The following PRKG1 variants were observed in gnomAD, a reference collection of about 807,000 sequenced individuals.
The protein encoded by PRKG1 is cGMP-dependent protein kinase 1.
PRKG1 carries 35 observed loss-of-function variants against 88.1 expected under a neutral mutation model. The observed-to-expected ratio is 0.40, with a 90% CI of 0.30 to 0.53. PRKG1 has a LOEUF of 0.53. Among genes scored for constraint, PRKG1 ranks in the 20% least tolerant of loss-of-function variants. The pLI is 0.59. For missense variants in PRKG1, 540 were observed against 839.8 expected (o/e 0.64, Z 4.41); for synonymous variants, 303 against 292.5 (o/e 1.04, Z -0.37).
Position 52,040,875 on chromosome 10 carries a change from C to T in PRKG1, c.763-13609C>T, listed in dbSNP as rs543813136. On this transcript the variant is annotated intron_variant, in intron 5 of 17. Coordinates refer to ENST00000373980, the MANE Select transcript of PRKG1 (RefSeq NM_006258.4). ...TTTTGAGATGGGAGTCTTGCTTTGT[C>T]ACCCAGGCTGGAGTGTTGTGGCATG... Among the ~76,000 whole-genome samples the T allele has an allele frequency of 4.1e-5, 4 of 96,784 alleles. No homozygotes were observed. The East Asian group carries it at 1.3e-3, about 31-fold the overall frequency. 63.5% of individuals were successfully genotyped at this position (96,784 alleles called of 152,430 possible). A position where few individuals can be genotyped will look rare whatever the true frequency, so the allele number is the denominator to read the frequency against.
intron 3 of PRKG1, among the ~76,000 whole-genome samples, chr10:51,503,783 G>A (rs1310030522): frequency 6.6e-6 from 1 of 152,074 alleles, no homozygotes; most frequent in Non-Finnish European, 1.5e-5. Context: ...AGTGTTCATG[G>A]TAAAATAGTA....
intron 17 of PRKG1, among the ~76,000 whole-genome samples, chr10:52,291,812 C>T (rs1196444360): frequency 7.2e-5 from 11 of 151,760 alleles, no homozygotes; most frequent in African/African-American, 2.4e-4. Flanking sequence ...GTTCTAGATC[C>T]CTGAGGAATC....
rs540123907 is a variant in PRKG1 at position 51,554,001 on chromosome 10, G to A, written c.592+86165G>A. 3.0e-3 allele frequency among the ~76,000 whole-genome samples: 439 copies of A among 147,438 alleles called. 39 individuals are homozygous for A. Among genetic ancestry groups the A allele is most frequent in the Non-Finnish European group, 5.0e-3 (337 of 66,854 alleles). The stretch of plus-strand genomic sequence containing the variant: ...CATATTATATATGCGTATGTGATAC[G>A]TGCATATTATATGTGCGTATGTGAT... On this transcript the variant is annotated intron_variant, in intron 3 of 17. Transcript: ENST00000373980.
At chr10:52,192,467 A>G (rs184329112) in intron 9 of PRKG1, among the ~76,000 whole-genome samples, 2 of 152,288 alleles carry the variant, frequency 1.3e-5, no homozygotes, top group Non-Finnish European at 2.9e-5. Flanking sequence ...CTAATCTTGC[A>G]GTATTCCCAT....
At chr10:51,509,328 G>T (rs1841323231) in intron 3 of PRKG1, among the ~76,000 whole-genome samples, 1 of 152,152 alleles carries the variant, frequency 6.6e-6, no homozygotes, top group Non-Finnish European at 1.5e-5. Context: ...ATTTTTGAAT[G>T]TGTTACATGG....
At chr10:51,113,137 G>C (rs923002789) in intron 1 of PRKG1, among the ~76,000 whole-genome samples, 1 of 152,108 alleles carries the variant, frequency 6.6e-6, no homozygotes, top group Non-Finnish European at 1.5e-5. Context: ...GATATGCATC[G>C]CAATGTGCTG....
chr10:51,409,278 C>T (rs1040074741), intron 2 of PRKG1, among the ~76,000 whole-genome samples: 6 of 152,142 alleles, frequency 3.9e-5, no homozygotes, highest in African/African-American at 7.2e-5. Context: ...ATGAGGCCAT[C>T]GATGCAGGCT....
chr10:52,223,514 A>G (rs866383022), intron 9 of PRKG1, among the ~76,000 whole-genome samples: 2 of 152,070 alleles, frequency 1.3e-5, no homozygotes, highest in Non-Finnish European at 2.9e-5. Context: ...CATGCTTCAC[A>G]ACTCAATCCT....
At chr10:51,556,840 T>C (rs1423448940) in intron 3 of PRKG1, among the ~76,000 whole-genome samples, 1 of 152,098 alleles carries the variant, frequency 6.6e-6, no homozygotes, top group Non-Finnish European at 1.5e-5. Flanking sequence ...TATACCCATG[T>C]AACAAACCTG....
intron 5 of PRKG1, among the ~76,000 whole-genome samples, chr10:52,046,595 A>C (rs1022829785): frequency 6.6e-6 from 1 of 152,156 alleles, no homozygotes; most frequent in Non-Finnish European, 1.5e-5. Flanking sequence ...AGGTATGGTT[A>C]TATTTTGCAG....
intron 5 of PRKG1, among the ~76,000 whole-genome samples, chr10:52,047,853 CTCT>C (rs1845900131): frequency 6.6e-6 from 1 of 152,106 alleles, no homozygotes; most frequent in Non-Finnish European, 1.5e-5. Context: ...TAATATAGGA[CTCT>C]TCTTCTGAGA....
intron 2 of PRKG1, among the ~76,000 whole-genome samples, chr10:51,416,681 G>T (rs1588936755): frequency 6.6e-6 from 1 of 152,248 alleles, no homozygotes; most frequent in East Asian, 1.9e-4. Context: ...CTGTGATGGT[G>T]TAAGAACGTG....
At chr10:52,247,909 T>G (rs1841066125) in intron 9 of PRKG1, among the ~76,000 whole-genome samples, 2 of 152,178 alleles carry the variant, frequency 1.3e-5, no homozygotes, top group South Asian at 4.1e-4. Context: ...CTTTCAGAGC[T>G]GAGAGCCCCG....
chr10:51,949,405 G>A (rs1843132120), intron 5 of PRKG1, among the ~76,000 whole-genome samples: 1 of 151,936 alleles, frequency 6.6e-6, no homozygotes, highest in Non-Finnish European at 1.5e-5. Flanking sequence ...TTGAGACCAG[G>A]AGTTCGAGAT....
chr10:52,260,996 T>G (rs937727296), intron 10 of PRKG1, among the ~76,000 whole-genome samples: 1 of 151,740 alleles, frequency 6.6e-6, no homozygotes, highest in African/African-American at 2.4e-5. Context: ...AAATAAGAAA[T>G]TATAAATATT....
Position 52,272,898 on chromosome 10 carries a change from A to G in PRKG1, c.1403+417A>G, listed in dbSNP as rs1255166036. Among the ~76,000 whole-genome samples, 3 of 152,076 alleles carry G rather than the reference A, an allele frequency of 2.0e-5. 1 individual carries two copies. Among genetic ancestry groups the G allele is most frequent in the African/African-American group, 7.2e-5 (3 of 41,450 alleles). On this transcript the variant is annotated intron_variant, in intron 12 of 17. Coordinates refer to ENST00000373980, the MANE Select transcript of PRKG1 (RefSeq NM_006258.4). The stretch of plus-strand genomic sequence containing the variant: ...AGATAGGCAGTTTGCCTTTTGTGAC[A>G]TTGTGAATTTTTTCCAAAGTAATTT...
intron 3 of PRKG1, among the ~76,000 whole-genome samples, chr10:51,583,496 A>C (rs546058572): frequency 6.6e-6 from 1 of 152,262 alleles, no homozygotes; most frequent in East Asian, 1.9e-4. Flanking sequence ...TACTCTAAAC[A>C]CATGAAACCC....
chr10:51,144,406 C>T (rs544770016), intron 1 of PRKG1, among the ~76,000 whole-genome samples: 2 of 152,068 alleles, frequency 1.3e-5, no homozygotes, highest in Non-Finnish European at 2.9e-5. Context: ...CTATGGCAAA[C>T]TTAGAGAGTC....
chr10:52,120,202 T>A (rs1162192401), intron 7 of PRKG1, among the ~76,000 whole-genome samples: 1 of 152,114 alleles, frequency 6.6e-6, no homozygotes, highest in East Asian at 1.9e-4. Context: ...CATGACCAAA[T>A]CACCTCTTAA....
Sources: gnomAD v4.1 joint callset for allele counts (sites outside exome capture counted in the v4.1 genomes callset) on GRCh38, gnomAD v4.1.1 for gene constraint, MANE v1.5 for transcripts, NCBI Gene and HGNC (gene_info 2026-07-23, HGNC 2026-07-21) for gene names.